CNTN5: variants seen among roughly 807,000 people sequenced by gnomAD.
CNTN5 encodes the protein contactin-5.
Under a neutral mutation model 129.1 loss-of-function variants are expected in CNTN5, and 77 were observed. That is an observed-to-expected ratio of 0.60 (90% CI 0.50 to 0.72). The LOEUF is 0.72. Ranked by LOEUF, CNTN5 falls within the 30% of genes least tolerant of loss-of-function variation. CNTN5 has a pLI of 0.00. For missense variants in CNTN5, 1,478 were observed against 1,328.8 expected, an observed-to-expected ratio of 1.11 and a Z score of -1.75; for synonymous variants, 509 against 465.6, an observed-to-expected ratio of 1.09 and a Z score of -1.20.
chr11:99,265,351 T>A (rs750017540), intron 1 of CNTN5, among the ~76,000 whole-genome samples: 1 of 152,072 alleles, frequency 6.6e-6, no homozygotes, highest in African/African-American at 2.4e-5. Flanking sequence ...ATCATTGTTA[T>A]CATTGCTTTT....
At chr11:99,707,718 G>C (rs920919665) in intron 3 of CNTN5, among the ~76,000 whole-genome samples, 1 of 151,550 alleles carries the variant, frequency 6.6e-6, no homozygotes, top group African/African-American at 2.4e-5. Flanking sequence ...ACCTGAGTAA[G>C]AAATATGCTT....
At chr11:99,094,149 G>A (rs914440404) in intron 1 of CNTN5, among the ~76,000 whole-genome samples, 3 of 151,702 alleles carry the variant, frequency 2.0e-5, no homozygotes, top group African/African-American at 7.3e-5. Context: ...AATATCCTAT[G>A]GGCATAAGTA....
At chr11:100,099,527 A>G (rs2138051646) in intron 13 of CNTN5, among the ~76,000 whole-genome samples, 1 of 152,208 alleles carries the variant, frequency 6.6e-6, no homozygotes, top group South Asian at 2.1e-4. Context: ...AAGGCATTTT[A>G]TAAAGTACTG....
At chr11:99,426,261 G>A (rs368041556) in intron 2 of CNTN5, among the ~76,000 whole-genome samples, 83 of 152,192 alleles carry the variant, frequency 5.5e-4, no homozygotes, top group African/African-American at 2.0e-3. Context: ...CCAAATAACA[G>A]AGGTTTAAAA....
chr11:99,693,379 A>T (rs1954122575), intron 3 of CNTN5, among the ~76,000 whole-genome samples: 1 of 152,252 alleles, frequency 6.6e-6, no homozygotes, highest in East Asian at 1.9e-4. Flanking sequence ...CAATTATAGA[A>T]ATAAATGTGA....
intron 3 of CNTN5, among the ~76,000 whole-genome samples, chr11:99,741,828 T>A (rs1943896579): frequency 6.6e-6 from 1 of 152,168 alleles, no homozygotes; most frequent in Admixed American, 6.6e-5. Flanking sequence ...TATCATGTCT[T>A]GCCGCTATGT....
At chr11:100,036,346 T>C (rs1487443739) in intron 9 of CNTN5, among the ~76,000 whole-genome samples, 1 of 152,046 alleles carries the variant, frequency 6.6e-6, no homozygotes, top group Non-Finnish European at 1.5e-5. Flanking sequence ...TTGGTACCAG[T>C]ACCAGGCTAT....
chr11:99,921,099 C>T (rs553736940), intron 7 of CNTN5, among the ~76,000 whole-genome samples: 2 of 152,284 alleles, frequency 1.3e-5, no homozygotes, highest in South Asian at 2.1e-4. Context: ...CCCAGACTTC[C>T]AGCCTCCATA....
intron 21 of CNTN5, chr11:100,337,731 T>G (rs577407929): frequency 1.8e-5 from 8 of 448,380 alleles, no homozygotes; most frequent in African/African-American, 1.4e-4. Context: ...AGAAGTCAGT[T>G]TCATCTATAA....
chr11:99,175,271 G>A (rs1234268468), intron 1 of CNTN5, among the ~76,000 whole-genome samples: 1 of 152,002 alleles, frequency 6.6e-6, no homozygotes, highest in African/African-American at 2.4e-5. Flanking sequence ...AATAAATAGG[G>A]TTTATTACTC....
rs1024432968 is a variant in CNTN5, at chr11:100,108,813, A to G, written c.1580+34519A>G. ...AGAGTGCAATGTATATTTTCTCACA[A>G]CTGTATCTAGTATATATCAAAGTTC... On this transcript the variant is annotated intron_variant, in intron 13 of 24. Coordinates refer to ENST00000524871, the MANE Select transcript of CNTN5 (RefSeq NM_014361.4). Among the ~76,000 whole-genome samples, 8 of 151,502 alleles carry G rather than the reference A, an allele frequency of 5.3e-5. 1 individual carries two copies. Among genetic ancestry groups the G allele is most frequent in the South Asian group, 4.2e-4 (2 of 4,782 alleles).
At chr11:99,383,841 GAC>G (rs1940754906) in intron 2 of CNTN5, among the ~76,000 whole-genome samples, 1 of 152,160 alleles carries the variant, frequency 6.6e-6, no homozygotes, top group Non-Finnish European at 1.5e-5. Flanking sequence ...AGCTACTAGA[GAC>G]ACAGAAGGCC....
At chr11:99,877,111 A>T (rs905468893) in intron 6 of CNTN5, among the ~76,000 whole-genome samples, 21 of 152,230 alleles carry the variant, frequency 1.4e-4, no homozygotes, top group Non-Finnish European at 2.9e-5. Context: ...AATTCTTTCC[A>T]TATTTTCATT....
chr11:100,268,751 A>C (rs1253601651), intron 17 of CNTN5, among the ~76,000 whole-genome samples: 1 of 152,196 alleles, frequency 6.6e-6, no homozygotes, highest in Non-Finnish European at 1.5e-5. Flanking sequence ...TGGAGATATC[A>C]ACATAGTTTG....
rs139378691 is a variant in CNTN5 at position 100,231,142 on chromosome 11, C to T, written c.2005+6330C>T. ...GGATTGGAATAAATGCTTTCTGATGCTATGGGAAGGAGTTTAACTCTTATG... is the reference window on the plus strand; with the variant it reads ...GGATTGGAATAAATGCTTTCTGATGTTATGGGAAGGAGTTTAACTCTTATG... On this transcript the variant is annotated intron_variant, in intron 16 of 24. Transcript: ENST00000524871. 2.7e-3 allele frequency among the ~76,000 whole-genome samples: 406 copies of T among 152,228 alleles called. 8 individuals carry two copies. Among genetic ancestry groups the T allele is most frequent in the African/African-American group, 9.4e-3 (389 of 41,550 alleles).
At chr11:100,164,289 C>T (rs1251078011) in intron 13 of CNTN5, among the ~76,000 whole-genome samples, 3 of 151,772 alleles carry the variant, frequency 2.0e-5, no homozygotes, top group Non-Finnish European at 4.4e-5. Context: ...ATAATGTATA[C>T]TTTTAATGTG....
At chr11:99,979,206 G>A (rs1938184678) in intron 8 of CNTN5, among the ~76,000 whole-genome samples, 1 of 152,126 alleles carries the variant, frequency 6.6e-6, no homozygotes, top group African/African-American at 2.4e-5. Context: ...TGATCTAGTA[G>A]AGGAGATAGA....
intron 15 of CNTN5, among the ~76,000 whole-genome samples, chr11:100,208,653 A>C (rs1948962566): frequency 6.6e-6 from 1 of 152,178 alleles, no homozygotes; most frequent in East Asian, 1.9e-4. Flanking sequence ...CCATTTTTGC[A>C]ACCTACCACC....
intron 3 of CNTN5, among the ~76,000 whole-genome samples, chr11:99,689,315 C>T (rs1953930921): frequency 6.6e-6 from 1 of 151,958 alleles, no homozygotes; most frequent in Non-Finnish European, 1.5e-5. Flanking sequence ...ATCACAAGGT[C>T]AGGAGATCGA....
Sources: allele counts gnomAD v4.1 joint callset (sites outside exome capture counted in the v4.1 genomes callset), GRCh38; gene constraint gnomAD v4.1.1; transcripts MANE v1.5; gene names NCBI Gene and HGNC (gene_info 2026-07-23, HGNC 2026-07-21).